The following ZMYM2 variants were observed in gnomAD, a reference collection of about 807,000 sequenced individuals.
The protein encoded by ZMYM2 is zinc finger MYM-type containing 2, also known as zinc finger MYM-type protein 2.
A neutral mutation model predicts 162.8 loss-of-function variants in ZMYM2; 56 were observed. The observed-to-expected ratio is 0.34, with a 90% CI of 0.28 to 0.43. The LOEUF (loss-of-function observed/expected upper bound fraction) is 0.43. Ranked by LOEUF, ZMYM2 falls within the 20% of genes least tolerant of loss-of-function variation. ZMYM2 has a pLI of 1.00. For synonymous variants in ZMYM2, 510 were observed against 541.6 expected (o/e 0.94, Z 0.81); for missense variants, 1,275 against 1,621.8 (o/e 0.79, Z 3.67).
chr13:19,933,827 C>A, the ZMYM2 span, among the ~76,000 whole-genome samples: 1 of 152,190 alleles, frequency 6.6e-6, no homozygotes, highest in South Asian at 2.1e-4. Flanking sequence ...AAGAAACTGA[C>A]TCTCTTCAGA....
At chr13:20,051,875 A>T (rs1203555637) in intron 13 of ZMYM2, among the ~76,000 whole-genome samples, 1 of 152,200 alleles carries the variant, frequency 6.6e-6, no homozygotes, top group Non-Finnish European at 1.5e-5. Flanking sequence ...TTTTAAAAAG[A>T]ATAGACATCT....
chr13:20,002,929 A>G lies in ZMYM2; in HGVS notation c.927A>G (p.Ser309=). The G allele has an allele frequency of 6.2e-7, 1 of 1,614,132 alleles. No individual in the cohort carries two copies. The highest frequency in any genetic ancestry group is 8.5e-7 in the Non-Finnish European group (1 of 1,180,010). The change falls in exon 4 of 25, where the codon TCA becomes TCG. Residue 309 remains serine (S), a synonymous_variant. Transcript: ENST00000610343. The stretch of plus-strand genomic sequence containing the variant: ...TGGACTCTTTATCACCAGTGGCCTC[A>G]CTTCCTAAACAGATTTTCCAGCCGT... ...PGVDSLSPVA[S]LPKQIFQPSV...
At chr13:19,982,973 G>A (rs140954993) in intron 2 of ZMYM2, among the ~76,000 whole-genome samples, 3 of 151,986 alleles carry the variant, frequency 2.0e-5, no homozygotes, top group East Asian at 3.9e-4. Flanking sequence ...CCTTTGGATG[G>A]AAGCAAAATT....
the ZMYM2 span, among the ~76,000 whole-genome samples, chr13:19,922,460 G>T: frequency 6.6e-6 from 1 of 152,178 alleles, no homozygotes; most frequent in Non-Finnish European, 1.5e-5. Context: ...GAATGTGATT[G>T]CTGTCTCATT....
the ZMYM2 span, among the ~76,000 whole-genome samples, chr13:19,884,597 C>T: frequency 6.6e-6 from 1 of 152,100 alleles, no homozygotes; most frequent in Middle Eastern, 3.4e-3. Context: ...AAGCCGTGGT[C>T]CTCACGGTGA....
At chr13:19,872,562 TAAA>T in the ZMYM2 span, among the ~76,000 whole-genome samples, 1 of 150,670 alleles carries the variant, frequency 6.6e-6, no homozygotes, top group Non-Finnish European at 1.5e-5. Flanking sequence ...AAATAAAAAA[TAAA>T]AAAGTGGACT....
the ZMYM2 span, among the ~76,000 whole-genome samples, chr13:19,885,758 A>G: frequency 2.6e-5 from 4 of 150,982 alleles, no homozygotes; most frequent in Non-Finnish European, 4.4e-5. Context: ...GAGGCAGGAG[A>G]ATCTCTTGAA....
the ZMYM2 span, chr13:19,864,901 G>A: frequency 1.3e-5 from 2 of 152,280 alleles, no homozygotes; most frequent in Non-Finnish European, 2.9e-5. Context: ...ACCATTTCCC[G>A]GACTCCACGT....
In ZMYM2 at chr13:20,034,257, A is replaced by G; in HGVS notation, c.1972A>G (p.Lys658Glu). 1 of 1,585,804 alleles carries G rather than the reference A, an allele frequency of 6.3e-7. No individual in the cohort carries two copies. The highest frequency in any genetic ancestry group is 1.8e-5 in the Admixed American group (1 of 54,898). The change falls in exon 11 of 25, where the codon AAA becomes GAA. Residue 658 changes from lysine to glutamate, a missense_variant. Lys to Glu is a moderately conservative substitution (Grantham distance 56). This residue lies in a region of ZMYM2 where 276 missense variants were observed against 311.8 expected (regional missense o/e 0.89). Transcript: ENST00000610343. ...SKPEILEWEN[K>E]VHQFCSKTCS... is the part of the protein sequence containing the mutation. Reference sequence around the variant, plus strand: ...AAGGTTCCCATTGTGCATTTAGAACAAAGTGCATCAGTTCTGCAGCAAAAC... The same window carrying G: ...AAGGTTCCCATTGTGCATTTAGAACGAAGTGCATCAGTTCTGCAGCAAAAC...
the ZMYM2 span, among the ~76,000 whole-genome samples, chr13:19,938,541 G>T: frequency 6.6e-6 from 1 of 151,126 alleles, no homozygotes; most frequent in Admixed American, 6.6e-5. Context: ...ACTTTGAAAA[G>T]TTTTCTTGTA....
At position 20,052,260 on chromosome 13, in the gene ZMYM2, T is replaced by A; in HGVS notation, c.2459-17T>A. 1 of 1,546,272 alleles carries A rather than the reference T, an allele frequency of 6.5e-7. No homozygotes were observed. Among genetic ancestry groups the A allele is most frequent in the African/African-American group, 1.4e-5 (1 of 73,166 alleles). On this transcript the variant is annotated splice_polypyrimidine_tract_variant and intron_variant, in intron 13 of 24. Transcript: ENST00000610343. The stretch of plus-strand genomic sequence containing the variant: ...AAAGAGTATTTGTCTTATTTTAAAT[T>A]TTTTTGTGTTTTTTAGATCAGGGTT...
intron 4 of ZMYM2, 149 bp downstream of exon 4, chr13:20,003,284 A>T (rs1234566275): frequency 3.3e-6 from 3 of 899,432 alleles, no homozygotes; most frequent in African/African-American, 3.4e-5. Flanking sequence ...TTTGGATGGC[A>T]TTGGAGTTGA....
At chr13:19,994,080 T>G (rs1415055956) in intron 3 of ZMYM2, among the ~76,000 whole-genome samples, 161 bp downstream of exon 3, 1 of 152,250 alleles carries the variant, frequency 6.6e-6, no homozygotes, top group Non-Finnish European at 1.5e-5. Context: ...ATAAGAATTG[T>G]AAAACCATGT....
the ZMYM2 span, chr13:19,864,493 G>C: frequency 6.5e-6 from 1 of 154,920 alleles, no homozygotes; most frequent in Non-Finnish European, 1.5e-5. Flanking sequence ...CGCGACGGTG[G>C]AGACACCCAG....
chr13:19,876,583 A>G, the ZMYM2 span, among the ~76,000 whole-genome samples: 10 of 152,118 alleles, frequency 6.6e-5, no homozygotes, highest in Admixed American at 3.3e-4. Context: ...CTGACCTCCC[A>G]AAGTGCTAGG....
At chr13:19,957,189 C>T (rs1467429564), upstream of ZMYM2, among the ~76,000 whole-genome samples, 1 of 151,866 alleles carries the variant, frequency 6.6e-6, no homozygotes, top group African/African-American at 2.4e-5. Context: ...ACTAGATTAT[C>T]CTCTGTAAGT....
At chr13:19,914,942 G>A in the ZMYM2 span, among the ~76,000 whole-genome samples, 2 of 152,088 alleles carry the variant, frequency 1.3e-5, no homozygotes, top group Non-Finnish European at 2.9e-5. Context: ...CAAATATAGG[G>A]TGCTATTTCT....
At chr13:20,039,640 A>AT (rs1307235578) in intron 12 of ZMYM2, among the ~76,000 whole-genome samples, 1 of 151,778 alleles carries the variant, frequency 6.6e-6, no homozygotes, top group Non-Finnish European at 1.5e-5. Flanking sequence ...TGCCCAGCTA[A>AT]TTTTTTTGTG....
chr13:19,898,134 C>A, the ZMYM2 span, among the ~76,000 whole-genome samples: 1 of 151,938 alleles, frequency 6.6e-6, no homozygotes, highest in Non-Finnish European at 1.5e-5. Flanking sequence ...AGATAGAAAT[C>A]ATACAAAGTA....
Sources: allele counts gnomAD v4.1 joint callset (sites outside exome capture counted in the v4.1 genomes callset), GRCh38; gene constraint gnomAD v4.1.1; regional missense constraint gnomAD v4.1.1; transcripts MANE v1.5; gene names NCBI Gene and HGNC (gene_info 2026-07-23, HGNC 2026-07-21).